The following NCEH1 variants were observed in gnomAD, a reference collection of about 807,000 sequenced individuals.
NCEH1 encodes the protein 2-acetyl MAGE hydrolase.
A neutral mutation model predicts 25.4 loss-of-function variants in NCEH1; 9 were observed. The observed-to-expected ratio is 0.35, with a 90% CI of 0.21 to 0.62. The LOEUF (loss-of-function observed/expected upper bound fraction) is 0.62. Ranked by LOEUF, NCEH1 falls within the 20% of genes least tolerant of loss-of-function variation. The pLI, the probability that NCEH1 is intolerant of heterozygous loss-of-function variation, is 0.72. For missense variants in NCEH1, 412 were observed against 501.1 expected, an observed-to-expected ratio of 0.82 and a Z score of 1.70; for synonymous variants, 200 against 199.8, an observed-to-expected ratio of 1.00 and a Z score of -0.01.
rs545270930 is a variant in NCEH1, at chr3:172,654,045, G to A, written c.139-5931C>T. On this transcript the variant is annotated intron_variant, in intron 1 of 4. Coordinates refer to ENST00000475381, the MANE Select transcript of NCEH1 (RefSeq NM_020792.6). ...GCTGGGATTACAGGCGTGAGCCACC[G>A]TGCCCGGCCTGGAAAGTGTTTTAAC... Among the ~76,000 whole-genome samples the A allele has an allele frequency of 1.7e-4, 26 of 152,178 alleles. No homozygotes were observed. The South Asian group carries it at 1.9e-3, about 11-fold the overall frequency.
chr3:172,658,520 T>C (rs1327874954), intron 1 of NCEH1, among the ~76,000 whole-genome samples: 1 of 152,238 alleles, frequency 6.6e-6, no homozygotes, highest in African/African-American at 2.4e-5. Flanking sequence ...GACGGAATTA[T>C]TAAGCCAACC....
intron 1 of NCEH1, among the ~76,000 whole-genome samples, chr3:172,694,829 C>G (rs1713270852): frequency 6.6e-6 from 1 of 152,220 alleles, no homozygotes; most frequent in South Asian, 2.1e-4. Flanking sequence ...CTTGGCAGCT[C>G]TAACACTATT....
At chr3:172,665,321 T>C (rs1718156215) in intron 1 of NCEH1, among the ~76,000 whole-genome samples, 1 of 152,138 alleles carries the variant, frequency 6.6e-6, no homozygotes, top group Non-Finnish European at 1.5e-5. Context: ...TGCAGAACAG[T>C]AAATGTTGCT....
At chr3:172,708,975 T>C (rs2108234751) in intron 1 of NCEH1, among the ~76,000 whole-genome samples, 1 of 152,346 alleles carries the variant, frequency 6.6e-6, no homozygotes, top group Non-Finnish European at 1.5e-5. Context: ...CTTTCTGATA[T>C]TTCACAATTT....
chr3:172,663,381 C>A (rs1222686880), intron 1 of NCEH1, among the ~76,000 whole-genome samples: 1 of 152,104 alleles, frequency 6.6e-6, no homozygotes, highest in Non-Finnish European at 1.5e-5. Context: ...TTACTTCCAA[C>A]CATGTGGTCA....
At chr3:172,653,359 T>C (rs375085103) in intron 1 of NCEH1, among the ~76,000 whole-genome samples, 4 of 152,244 alleles carry the variant, frequency 2.6e-5, no homozygotes, top group African/African-American at 7.2e-5. Context: ...AAATTAGTTA[T>C]GTTTATATAT....
At chr3:172,700,018 C>T (rs1713594099) in intron 1 of NCEH1, among the ~76,000 whole-genome samples, 1 of 152,140 alleles carries the variant, frequency 6.6e-6, no homozygotes, top group Non-Finnish European at 1.5e-5. Context: ...TGATAACAGA[C>T]ATATATTTTA....
intron 3 of NCEH1, among the ~76,000 whole-genome samples, chr3:172,637,185 T>G (rs1014032658): frequency 2.0e-5 from 3 of 152,212 alleles, no homozygotes; most frequent in African/African-American, 7.2e-5. Context: ...GAGGGGCACA[T>G]AATCATCCAT....
At chr3:172,699,536 C>T (rs1208186774) in intron 1 of NCEH1, among the ~76,000 whole-genome samples, 2 of 152,124 alleles carry the variant, frequency 1.3e-5, no homozygotes, top group Non-Finnish European at 2.9e-5. Flanking sequence ...CCTGAGCATC[C>T]GTCCAGGTTT....
rs1716374705 is a variant in NCEH1, at chr3:172,631,918, C to G, written c.*1557G>C. The G allele has an allele frequency of 6.6e-6, 1 of 152,670 alleles. No individual in the cohort carries two copies. Among genetic ancestry groups the G allele is most frequent in the South Asian group, 2.1e-4 (1 of 4,828 alleles). The allele number at this position is 152,670 out of a possible 1,614,324, so 9.5% of individuals were successfully genotyped here. A position where few individuals can be genotyped will look rare whatever the true frequency, so the allele number is the denominator to read the frequency against. The stretch of plus-strand genomic sequence containing the variant: ...GGACGGCAGGAAGGCAGGCAGAGAT[C>G]CTCAACTCAAATCACAATTGGAGTG... On this transcript the variant is annotated 3_prime_UTR_variant, in exon 5 of 5. Coordinates refer to ENST00000475381, the MANE Select transcript of NCEH1 (RefSeq NM_020792.6).
chr3:172,693,079 G>C (rs752486384), intron 1 of NCEH1, among the ~76,000 whole-genome samples: 6 of 152,144 alleles, frequency 3.9e-5, no homozygotes, highest in Non-Finnish European at 5.9e-5. Context: ...GACCCACTTT[G>C]TACCACAAAC....
chr3:172,692,582 C>A (rs1713132088), intron 1 of NCEH1, among the ~76,000 whole-genome samples: 1 of 151,604 alleles, frequency 6.6e-6, no homozygotes, highest in Admixed American at 6.6e-5. Context: ...CCAGGCTGGT[C>A]TCAAACTCCT....
rs148178194 is a variant in NCEH1 at position 172,665,908 on chromosome 3, G to C, written c.139-17794C>G. On this transcript the variant is annotated intron_variant, in intron 1 of 4. Coordinates refer to ENST00000475381, the MANE Select transcript of NCEH1 (RefSeq NM_020792.6). The stretch of plus-strand genomic sequence containing the variant: ...ATCTGTCACAGCTTCCCTTGGCTAG[G>C]AAAGGGAATTCCCCGACCCCTTGTG... 7.6e-3 allele frequency among the ~76,000 whole-genome samples: 1,151 copies of C among 152,344 alleles called. 15 individuals carry two copies. Among genetic ancestry groups the C allele is most frequent in the African/African-American group, 0.027 (1,103 of 41,570 alleles).
chr3:172,701,668 A>G (rs1282947413), intron 1 of NCEH1, among the ~76,000 whole-genome samples: 1 of 141,082 alleles, frequency 7.1e-6, no homozygotes, highest in Non-Finnish European at 1.5e-5. Flanking sequence ...GTTTCACCAT[A>G]CCGGCCAGGC....
chr3:172,646,670 C>T (rs1410922903), intron 2 of NCEH1, among the ~76,000 whole-genome samples: 1 of 152,102 alleles, frequency 6.6e-6, no homozygotes, highest in Non-Finnish European at 1.5e-5. Flanking sequence ...ACATAGACAC[C>T]TGTTACCTCC....
At position 172,633,731 on chromosome 3, in the gene NCEH1, G is replaced by A. The variant is rs1195555581; in HGVS notation, c.971C>T (p.Ser324Phe). 6.2e-7 allele frequency: 1 copy of A among 1,614,218 alleles called. No individual in the cohort carries two copies. Among genetic ancestry groups the A allele is most frequent in the African/African-American group, 1.3e-5 (1 of 75,050 alleles). Residue 324 changes from serine to phenylalanine, a missense_variant, in exon 5 of 5, where the codon TCC becomes TTC. By Grantham distance (155) the Ser-to-Phe change is radical. Coordinates refer to ENST00000475381, the MANE Select transcript of NCEH1 (RefSeq NM_020792.6). ...QELPQLLDAR[S>F]APLIADQAVL... ...TGCCTGGTCTGCAATGAGTGGGGCG[G>A]AGCGGGCATCCAGCAACTGAGGAAG... is the stretch of plus-strand genomic sequence containing the variant.
chr3:172,681,100 C>G (rs562200606), intron 1 of NCEH1: 1 of 151,026 alleles, frequency 6.6e-6, no homozygotes. Context: ...AGGCTCAGGG[C>G]CCTGAGGACC....
At chr3:172,686,058 C>T (rs1712676981) in intron 1 of NCEH1, among the ~76,000 whole-genome samples, 1 of 149,772 alleles carries the variant, frequency 6.7e-6, no homozygotes, top group African/African-American at 2.5e-5. Context: ...TCACAATGCA[C>T]GTCAGCTTTT....
chr3:172,665,285 A>G (rs1210940467), intron 1 of NCEH1, among the ~76,000 whole-genome samples: 1 of 152,222 alleles, frequency 6.6e-6, no homozygotes, highest in African/African-American at 2.4e-5. Flanking sequence ...GGGTATCACC[A>G]GCAGAGGCTG....
Sources: allele counts gnomAD v4.1 joint callset (sites outside exome capture counted in the v4.1 genomes callset), GRCh38; gene constraint gnomAD v4.1.1; transcripts MANE v1.5; gene names NCBI Gene and HGNC (gene_info 2026-07-23, HGNC 2026-07-21).